Variants in SCN9A observed in about 807,000 individuals in gnomAD.
SCN9A encodes the protein sodium voltage-gated channel alpha subunit 9.
SCN9A carries 131 observed loss-of-function variants against 187.0 expected under a neutral mutation model. That is an observed-to-expected ratio of 0.70 (90% CI 0.61 to 0.81). The LOEUF (loss-of-function observed/expected upper bound fraction) is 0.81, where lower values mean the gene tolerates loss of function less well. SCN9A is among the 30% of genes least tolerant of loss of function. The pLI, the probability that SCN9A is intolerant of heterozygous loss-of-function variation, is 0.00. For missense variants in SCN9A, 2,252 were observed against 2,396.6 expected, an observed-to-expected ratio of 0.94 and a Z score of 1.26; for synonymous variants, 809 against 808.6, an observed-to-expected ratio of 1.00 and a Z score of -0.01.
At chr2:166,331,077 C>T (rs1050256152) in intron 1 of SCN9A, among the ~76,000 whole-genome samples, 2 of 152,080 alleles carry the variant, frequency 1.3e-5, no homozygotes, top group Admixed American at 6.5e-5. Context: ...AAAGTGAGAA[C>T]AAAAATTAAA....
chr2:166,331,904 CT>C (rs1028147445), intron 1 of SCN9A, among the ~76,000 whole-genome samples: 2 of 151,910 alleles, frequency 1.3e-5, no homozygotes, highest in Non-Finnish European at 2.9e-5. Flanking sequence ...TATATGTCTA[CT>C]TTTTTTTCTA....
At chr2:166,304,498 C>T (rs1465167188) in intron 5 of SCN9A, among the ~76,000 whole-genome samples, 169 bp from the exon 6 acceptor site, 1 of 152,062 alleles carries the variant, frequency 6.6e-6, no homozygotes, top group Admixed American at 6.6e-5. Flanking sequence ...TGATTTGACT[C>T]ATTTGATGCA....
intron 17 of SCN9A, among the ~76,000 whole-genome samples, chr2:166,256,905 A>C (rs1353511919): frequency 6.6e-6 from 1 of 151,678 alleles, no homozygotes; most frequent in Non-Finnish European, 1.5e-5. Context: ...AATAACATGA[A>C]AACTTACGTG....
chr2:166,337,828 A>G (rs2105275043), intron 1 of SCN9A, among the ~76,000 whole-genome samples: 1 of 152,252 alleles, frequency 6.6e-6, no homozygotes, highest in Admixed American at 6.5e-5. Flanking sequence ...TATGAAAAGG[A>G]TTTTGAATAT....
At chr2:166,279,105 A>T (rs2106473015) in intron 14 of SCN9A, among the ~76,000 whole-genome samples, 1 of 152,296 alleles carries the variant, frequency 6.6e-6, no homozygotes, top group South Asian at 2.1e-4. Flanking sequence ...GTTCACAGGG[A>T]TGCAGTCGTC....
At chr2:166,270,663 A>T (rs114929785) in intron 17 of SCN9A, among the ~76,000 whole-genome samples, 3,246 of 151,586 alleles carry the variant, frequency 0.021, 115 homozygotes, top group African/African-American at 0.075. Context: ...CTCACTCTGT[A>T]GTCCAAGCTG....
At position 166,199,016 on chromosome 2, in the gene SCN9A, C is replaced by G. The variant is rs761153502; in HGVS notation, c.5623G>C (p.Val1875Leu). Residue 1875 changes from valine to leucine, a missense_variant, in exon 27 of 27, where the codon GTG becomes CTG. Val to Leu is a conservative substitution (Grantham distance 32). This residue lies in a region of SCN9A where 345 missense variants were observed against 344.6 expected (regional missense o/e 1.00). Coordinates refer to ENST00000642356, the MANE Select transcript of SCN9A (RefSeq NM_001365536.1). ...GTGGTTGTGATGGGTTCATAGGACA[C>G]TTTGGAAGGATTTGCAGACATGAAC... is the stretch of plus-strand genomic sequence containing the variant. ...ERFMSANPSKVSYEPITTTLK... is the reference protein window; with the variant it reads ...ERFMSANPSKLSYEPITTTLK... 1.2e-6 allele frequency: 2 copies of G among 1,614,064 alleles called. No individual in the cohort carries two copies. Among genetic ancestry groups the G allele is most frequent in the Non-Finnish European group, 1.7e-6 (2 of 1,179,990 alleles).
At chr2:166,334,503 T>C (rs1483523774) in intron 1 of SCN9A, among the ~76,000 whole-genome samples, 2 of 152,136 alleles carry the variant, frequency 1.3e-5, no homozygotes, top group East Asian at 1.9e-4. Context: ...TTTTTATGAC[T>C]ACTAACTCAA....
intron 26 of SCN9A, among the ~76,000 whole-genome samples, chr2:166,202,737 CA>C (rs1693600882): frequency 6.6e-6 from 1 of 151,530 alleles, no homozygotes; most frequent in South Asian, 2.1e-4. Context: ...ATTTTTATTG[CA>C]ATTGTGAATC....
intron 24 of SCN9A, among the ~76,000 whole-genome samples, chr2:166,207,203 A>G: frequency 6.6e-6 from 1 of 152,284 alleles, no homozygotes; most frequent in Middle Eastern, 3.4e-3. Context: ...ATTTTCAAGG[A>G]TTTATAGTTC....
chr2:166,284,640 T>C lies in SCN9A; in HGVS notation c.1787A>G (p.Glu596Gly). The C allele has an allele frequency of 6.2e-7, 1 of 1,613,984 alleles. No individual in the cohort carries two copies. The highest frequency in any genetic ancestry group is 1.1e-5 in the South Asian group (1 of 91,082). Residue 596 changes from glutamate to glycine, a missense_variant, in exon 12 of 27, where the codon GAG becomes GGG. Around this residue, in one of 7 missense-constraint regions of SCN9A, gnomAD observed 1,013 missense variants for 997.4 expected, o/e 1.02. Coordinates refer to ENST00000642356, the MANE Select transcript of SCN9A (RefSeq NM_001365536.1). ...GSLFVPHRPQERRSSNISQAS... is the reference protein window; with the variant it reads ...GSLFVPHRPQGRRSSNISQAS... ...TTGGCTGATGTTACTGCTGCGTCGCTCCTGGGGTCTGTGGGGCACAAACAG... is the reference window on the plus strand; with the variant it reads ...TTGGCTGATGTTACTGCTGCGTCGCCCCTGGGGTCTGTGGGGCACAAACAG...
chr2:166,363,794 A>G (rs1540873), intron 1 of SCN9A, among the ~76,000 whole-genome samples: 46,425 of 151,908 alleles, frequency 0.31, 9,772 homozygotes, highest in African/African-American at 0.6. Context: ...GATTTGGCAC[A>G]TGGACATGGA....
At chr2:166,282,992 C>T (rs1264152384) in intron 12 of SCN9A, among the ~76,000 whole-genome samples, 1 of 152,142 alleles carries the variant, frequency 6.6e-6, no homozygotes, top group Non-Finnish European at 1.5e-5. Flanking sequence ...TATTGTGCCA[C>T]AATTTTATGT....
At chr2:166,309,042 T>C (rs933316301) in intron 2 of SCN9A, among the ~76,000 whole-genome samples, 1 of 151,556 alleles carries the variant, frequency 6.6e-6, no homozygotes, top group Non-Finnish European at 1.5e-5. Context: ...AGGAACTTCC[T>C]AGAAAAATGA....
intron 18 of SCN9A, among the ~76,000 whole-genome samples, chr2:166,247,146 A>G (rs1474395890): frequency 1.7e-5 from 2 of 117,176 alleles, no homozygotes; most frequent in East Asian, 6.0e-4. Context: ...ATCATGTTAA[A>G]CCAAAGCTCT....
chr2:166,241,651 A>C (rs1363941912), intron 19 of SCN9A, among the ~76,000 whole-genome samples: 2 of 146,240 alleles, frequency 1.4e-5, no homozygotes, highest in Non-Finnish European at 3.0e-5. Flanking sequence ...CTAGACCCTG[A>C]AAAGCACCAT....
chr2:166,282,570 ACACACACACT>A (rs1369722176), intron 12 of SCN9A, among the ~76,000 whole-genome samples: 98 of 152,228 alleles, frequency 6.4e-4, no homozygotes, highest in African/African-American at 2.3e-3. Context: ...CCAGAAATAC[ACACACACACT>A]CACACACACA....
chr2:166,312,432 C>T (rs754892941), intron 1 of SCN9A, among the ~76,000 whole-genome samples: 1 of 152,170 alleles, frequency 6.6e-6, no homozygotes, highest in Non-Finnish European at 1.5e-5. Flanking sequence ...TTCTTTCCAT[C>T]ACTGAAGTCT....
chr2:166,309,254 T>C (rs1055007960), intron 2 of SCN9A, among the ~76,000 whole-genome samples: 5 of 152,182 alleles, frequency 3.3e-5, no homozygotes, highest in African/African-American at 4.8e-5. Context: ...AGTTACCTTA[T>C]ACTTGAAATT....
Sources: gnomAD v4.1 joint callset for allele counts (sites outside exome capture counted in the v4.1 genomes callset) on GRCh38, gnomAD v4.1.1 for gene constraint, gnomAD v4.1.1 regional missense constraint, MANE v1.5 for transcripts, NCBI Gene and HGNC (gene_info 2026-07-23, HGNC 2026-07-21) for gene names.